Variants in CCDC30 observed in about 807,000 individuals in gnomAD.
The protein encoded by CCDC30 is coiled-coil domain containing 30.
CCDC30 carries 70 observed loss-of-function variants against 100.2 expected under a neutral mutation model. The observed-to-expected ratio is 0.70, with a 90% CI of 0.58 to 0.85. The LOEUF (loss-of-function observed/expected upper bound fraction) is 0.85. Among genes scored for constraint, CCDC30 ranks in the 40% least tolerant of loss-of-function variants. The pLI is 0.00. For synonymous variants in CCDC30, 233 were observed against 269.5 expected (o/e 0.86, Z 1.33); for missense variants, 652 against 771.2 (o/e 0.85, Z 1.83).
chr1:42,573,380 A>G (rs190552359), intron 7 of CCDC30, among the ~76,000 whole-genome samples: 43 of 152,258 alleles, frequency 2.8e-4, no homozygotes, highest in Admixed American at 2.6e-3. Flanking sequence ...CCATACTATT[A>G]TAAATGGTAA....
chr1:42,546,341 C>T (rs1261624624), intron 6 of CCDC30, among the ~76,000 whole-genome samples: 2 of 137,854 alleles, frequency 1.5e-5, no homozygotes, highest in Admixed American at 7.8e-5. Flanking sequence ...GCCGAGATCA[C>T]GCCATTGCAC....
chr1:42,652,832 T>A (rs1648466639), intron 15 of CCDC30, among the ~76,000 whole-genome samples: 1 of 152,034 alleles, frequency 6.6e-6, no homozygotes, highest in South Asian at 2.1e-4. Flanking sequence ...AATAAGGAAA[T>A]CCATAAAGAC....
At chr1:42,648,986 A>G (rs1232665151) in intron 15 of CCDC30, among the ~76,000 whole-genome samples, 3 of 152,214 alleles carry the variant, frequency 2.0e-5, no homozygotes, top group African/African-American at 7.2e-5. Flanking sequence ...CAACCTACCA[A>G]GATTGAACCA....
intron 1 of CCDC30, among the ~76,000 whole-genome samples, chr1:42,467,108 G>T (rs1333246422): frequency 1.3e-5 from 2 of 152,214 alleles, no homozygotes; most frequent in Non-Finnish European, 2.9e-5. Flanking sequence ...ATACTGACAT[G>T]AATGGCTAAT....
intron 16 of CCDC30, 71 bp downstream of exon 20, chr1:42,653,514 G>A: frequency 2.0e-6 from 2 of 977,540 alleles, no homozygotes; most frequent in South Asian, 2.8e-5. Flanking sequence ...GAGAGTCATG[G>A]CTGCCTAACT....
intron 11 of CCDC30, among the ~76,000 whole-genome samples, chr1:42,622,294 T>G (rs1176870005): frequency 6.6e-6 from 1 of 152,218 alleles, no homozygotes; most frequent in East Asian, 1.9e-4. Context: ...CTGAATAGTA[T>G]TCCATTATGT....
rs1645851361 is a variant in CCDC30, at chr1:42,576,997, TCTTA to T, written c.637-18_637-15del. 1.3e-6 allele frequency: 2 copies of T among 1,539,938 alleles called. No individual in the cohort carries two copies. The highest frequency in any genetic ancestry group is 2.3e-5 in the South Asian group (2 of 88,364). ...TTCATTCCACACTTATTTGTATTACTCTTACTTATTCTCTACCTCTAGATAAAGA... is the reference window on the plus strand; with the variant it reads ...TTCATTCCACACTTATTTGTATTACTCTTATTCTCTACCTCTAGATAAAGA... On this transcript the variant is annotated intron_variant, in intron 7 of 16. Transcript: ENST00000668663.
At chr1:42,558,917 G>A (rs1032214138) in intron 6 of CCDC30, among the ~76,000 whole-genome samples, 4 of 152,164 alleles carry the variant, frequency 2.6e-5, no homozygotes, top group Non-Finnish European at 4.4e-5. Flanking sequence ...CCTACAAAGG[G>A]AAGCCTATCA....
chr1:42,623,304 T>G (rs984663548), intron 11 of CCDC30, among the ~76,000 whole-genome samples: 2 of 152,218 alleles, frequency 1.3e-5, no homozygotes, highest in Admixed American at 6.5e-5. Context: ...CAAGAAATTT[T>G]CTCACAGACC....
intron 6 of CCDC30, among the ~76,000 whole-genome samples, chr1:42,522,800 AT>A (rs1403767694): frequency 6.6e-6 from 1 of 152,164 alleles, no homozygotes; most frequent in Admixed American, 6.5e-5. Context: ...TAGACCAATA[AT>A]TTTCTTAAAT....
chr1:42,514,275 T>C (rs184547287), intron 6 of CCDC30, among the ~76,000 whole-genome samples: 227 of 152,352 alleles, frequency 1.5e-3, no homozygotes, highest in Non-Finnish European at 2.2e-3. Flanking sequence ...GTGGAATTAT[T>C]GGGTCATATG....
intron 6 of CCDC30, among the ~76,000 whole-genome samples, chr1:42,521,518 A>T (rs1292203776): frequency 2.0e-5 from 3 of 152,184 alleles, no homozygotes; most frequent in African/African-American, 7.2e-5. Flanking sequence ...GTTGAGAAGA[A>T]TGTGTAAGCT....
intron 11 of CCDC30, among the ~76,000 whole-genome samples, chr1:42,620,379 C>G (rs999655642): frequency 3.3e-5 from 5 of 151,934 alleles, no homozygotes; most frequent in African/African-American, 1.2e-4. Context: ...TGCCCCCAAA[C>G]CTAAAATGAA....
At chr1:42,638,852 G>C (rs1012504061) in intron 12 of CCDC30, among the ~76,000 whole-genome samples, 4 of 151,924 alleles carry the variant, frequency 2.6e-5, no homozygotes, top group Non-Finnish European at 5.9e-5. Flanking sequence ...CTCTAGCCTG[G>C]GGGACAAGAG....
upstream of CCDC30, chr1:42,459,761 T>C (rs1230508559): frequency 3.1e-6 from 5 of 1,614,088 alleles, no homozygotes; most frequent in Admixed American, 8.3e-5. Context: ...TGGTGGTGGC[T>C]AATATCCTTG....
chr1:42,618,862 C>T (rs1344930063), intron 11 of CCDC30, among the ~76,000 whole-genome samples: 1 of 152,196 alleles, frequency 6.6e-6, no homozygotes, highest in African/African-American at 2.4e-5. Context: ...AAGGCAAGGG[C>T]ATTCCATTTT....
intron 6 of CCDC30, 53 bp from the exon 9 acceptor site, chr1:42,545,351 TCACAGC>T: frequency 7.4e-7 from 1 of 1,359,426 alleles, no homozygotes; most frequent in Non-Finnish European, 9.9e-7. Context: ...ATACTTTTTT[TCACAGC>T]TATAAATAAA....
intron 4 of CCDC30, chr1:42,492,091 T>C (rs952535793): frequency 1.5e-5 from 5 of 326,686 alleles, no homozygotes; most frequent in Non-Finnish European, 2.4e-5. Flanking sequence ...CAGACCATGA[T>C]TGAACCTCAC....
chr1:42,632,965 A>G (rs963075215), intron 11 of CCDC30, among the ~76,000 whole-genome samples: 1 of 151,766 alleles, frequency 6.6e-6, no homozygotes, highest in African/African-American at 2.4e-5. Context: ...GTGCGTCACT[A>G]TGCCCAGCTA....
Sources: gnomAD v4.1 joint callset for allele counts (sites outside exome capture counted in the v4.1 genomes callset) on GRCh38, gnomAD v4.1.1 for gene constraint, MANE v1.5 for transcripts, NCBI Gene and HGNC (gene_info 2026-07-23, HGNC 2026-07-21) for gene names.